The following LRRTM4 variants were observed in gnomAD, a reference collection of about 807,000 sequenced individuals.
LRRTM4 encodes the protein leucine-rich repeat transmembrane neuronal protein 4.
In LRRTM4, 25 loss-of-function variants were observed where a neutral mutation model predicts 47.6. The ratio of observed to expected loss-of-function variants is 0.53; its 90% CI spans 0.38 to 0.73. The LOEUF is 0.73. LRRTM4 is among the 30% of genes least tolerant of loss of function. The pLI is 0.00. For missense variants in LRRTM4, 638 were observed against 713.4 expected, an observed-to-expected ratio of 0.89 and a Z score of 1.20; for synonymous variants, 311 against 269.5, an observed-to-expected ratio of 1.15 and a Z score of -1.51.
intron 3 of LRRTM4, among the ~76,000 whole-genome samples, chr2:76,805,809 AAAACAAACAAAC>A (rs145013975): frequency 2.5e-3 from 386 of 152,032 alleles, no homozygotes; most frequent in African/African-American, 8.8e-3. Context: ...AGACCTCCAT[AAAACAAACAAAC>A]AAACAAACAA....
chr2:77,030,853 G>A (rs969996099), intron 3 of LRRTM4, among the ~76,000 whole-genome samples: 2 of 152,056 alleles, frequency 1.3e-5, no homozygotes, highest in African/African-American at 2.4e-5. Context: ...CATTTCTTTT[G>A]GCAATATTTT....
At chr2:77,138,200 A>G (rs1672006142) in intron 3 of LRRTM4, among the ~76,000 whole-genome samples, 1 of 152,188 alleles carries the variant, frequency 6.6e-6, no homozygotes, top group South Asian at 2.1e-4. Flanking sequence ...CACTTATTCC[A>G]AAATTGACCA....
At chr2:76,771,274 A>G (rs998103698) in intron 3 of LRRTM4, among the ~76,000 whole-genome samples, 2 of 152,222 alleles carry the variant, frequency 1.3e-5, no homozygotes, top group Non-Finnish European at 2.9e-5. Context: ...CTCTTCGGAA[A>G]CAGTATCAAG....
rs957927118 is a variant in LRRTM4 at position 76,990,782 on chromosome 2, T to TA, written c.1552-241867dup. On this transcript the variant is annotated intron_variant, in intron 3 of 3. Coordinates refer to ENST00000409884, the MANE Select transcript of LRRTM4 (RefSeq NM_001134745.3). ...CTAAGAAATTCTGAACTTAAATTTA[T>TA]ACTTGACCAATTGGACCTAATAGAC... 5.3e-5 allele frequency among the ~76,000 whole-genome samples: 8 copies of TA among 151,584 alleles called. No individual in the cohort carries two copies. The Admixed American group carries it at 5.3e-4, about 10-fold the overall frequency.
intron 3 of LRRTM4, among the ~76,000 whole-genome samples, chr2:76,812,726 T>TTTTC: frequency 7.2e-6 from 1 of 138,348 alleles, no homozygotes; most frequent in African/African-American, 2.8e-5. Context: ...TTCTTTCTCT[T>TTTTC]TTTCTCCTCC....
At chr2:77,156,321 C>G (rs868411066) in intron 3 of LRRTM4, among the ~76,000 whole-genome samples, 4 of 67,642 alleles carry the variant, frequency 5.9e-5, no homozygotes, top group Non-Finnish European at 1.1e-4. Flanking sequence ...GTAAAAGACA[C>G]AATACAAAAA....
chr2:77,493,303 G>A (rs1245492093), intron 3 of LRRTM4, among the ~76,000 whole-genome samples: 3 of 152,020 alleles, frequency 2.0e-5, no homozygotes. Context: ...CAGGGAAAAT[G>A]AATCGGTAAT....
chr2:76,860,820 G>A (rs1265447637), intron 3 of LRRTM4, among the ~76,000 whole-genome samples: 3 of 151,904 alleles, frequency 2.0e-5, no homozygotes, highest in Admixed American at 6.6e-5. Context: ...CTAGAGAACA[G>A]AAGGAAACAG....
In LRRTM4 at chr2:77,358,466, T is replaced by A. The variant is rs954435202; in HGVS notation, c.1551+159852A>T. ...ATGGCACCAAGCCACTCATAAGGAA[T>A]CCAGCCCAAACACCTCTCATTAGGC... On this transcript the variant is annotated intron_variant, in intron 3 of 3. Transcript: ENST00000409884. 3.3e-5 allele frequency among the ~76,000 whole-genome samples: 5 copies of A among 152,236 alleles called. No homozygotes were observed. In the South Asian group the frequency reaches 8.3e-4, roughly 25 times the overall value.
At chr2:76,980,780 C>T (rs942878070) in intron 3 of LRRTM4, among the ~76,000 whole-genome samples, 1 of 151,836 alleles carries the variant, frequency 6.6e-6, no homozygotes, top group Non-Finnish European at 1.5e-5. Flanking sequence ...CAAGAAATGC[C>T]GGATGTACTG....
intron 3 of LRRTM4, among the ~76,000 whole-genome samples, chr2:77,101,100 G>T (rs751810889): frequency 3.9e-5 from 6 of 152,020 alleles, no homozygotes; most frequent in Non-Finnish European, 7.4e-5. Flanking sequence ...CTCCCAAAGT[G>T]CTGGGACGTA....
At chr2:76,961,950 A>C (rs534021040) in intron 3 of LRRTM4, among the ~76,000 whole-genome samples, 2 of 151,426 alleles carry the variant, frequency 1.3e-5, no homozygotes, top group South Asian at 2.1e-4. Flanking sequence ...TTATTCAATG[A>C]AGCCCCTTTA....
chr2:77,269,291 T>C (rs1676130564), intron 3 of LRRTM4, among the ~76,000 whole-genome samples: 1 of 152,150 alleles, frequency 6.6e-6, no homozygotes, highest in Admixed American at 6.6e-5. Context: ...TACGTAGATA[T>C]TACACAATAG....
chr2:76,859,108 T>C (rs565185190), intron 3 of LRRTM4, among the ~76,000 whole-genome samples: 1 of 152,316 alleles, frequency 6.6e-6, no homozygotes, highest in East Asian at 1.9e-4. Flanking sequence ...TTCCATGCTA[T>C]CATTTTATTT....
chr2:76,812,761 TCCTCCTCTCCCTCCC>T (rs1490217707), intron 3 of LRRTM4, among the ~76,000 whole-genome samples: 1 of 118,560 alleles, frequency 8.4e-6, no homozygotes, highest in Non-Finnish European at 1.7e-5. Flanking sequence ...CTCCTTCTCC[TCCTCCTCTCCCTCCC>T]CCTCCTCCTC....
At position 77,276,971 on chromosome 2, in the gene LRRTM4, A is replaced by G. The variant is rs114176911; in HGVS notation, c.1551+241347T>C. Among the ~76,000 whole-genome samples, 1,190 of 151,644 alleles carry G rather than the reference A, an allele frequency of 7.8e-3. 10 individuals carry two copies. The highest frequency in any genetic ancestry group is 0.027 in the African/African-American group (1,110 of 41,380). On this transcript the variant is annotated intron_variant, in intron 3 of 3. Transcript: ENST00000409884. ...AAGTGTATTAGCTGCCTTATTTCAC[A>G]TTGTCCTTGAGATAATGGCTGTATA...
intron 3 of LRRTM4, among the ~76,000 whole-genome samples, chr2:76,962,078 T>C (rs997235272): frequency 2.6e-5 from 4 of 151,058 alleles, no homozygotes; most frequent in African/African-American, 9.7e-5. Flanking sequence ...CCTTATAGAG[T>C]CTCTACTGTA....
chr2:77,181,072 A>G (rs546325270), intron 3 of LRRTM4, among the ~76,000 whole-genome samples: 1 of 152,318 alleles, frequency 6.6e-6, no homozygotes, highest in East Asian at 1.9e-4. Flanking sequence ...ACTTTACCAA[A>G]GAAATATAAT....
chr2:76,986,773 A>G (rs1052371211), intron 3 of LRRTM4, among the ~76,000 whole-genome samples: 4 of 152,092 alleles, frequency 2.6e-5, no homozygotes, highest in Non-Finnish European at 4.4e-5. Flanking sequence ...CCATGCCTAA[A>G]GCAAGTTTAC....
Sources: allele counts gnomAD v4.1 joint callset (sites outside exome capture counted in the v4.1 genomes callset), GRCh38; gene constraint gnomAD v4.1.1; transcripts MANE v1.5; gene names NCBI Gene and HGNC (gene_info 2026-07-23, HGNC 2026-07-21).